Variants in GRIK1 observed in about 807,000 individuals in gnomAD.
GRIK1 encodes glutamate ionotropic receptor kainate type subunit 1, also known as glutamate receptor ionotropic, kainate 1.
Under a neutral mutation model 105.7 loss-of-function variants are expected in GRIK1, and 69 were observed. The observed-to-expected ratio is 0.65, with a 90% CI of 0.54 to 0.80. The LOEUF (loss-of-function observed/expected upper bound fraction) is 0.80, where lower values mean the gene tolerates loss of function less well. GRIK1 is among the 30% of genes least tolerant of loss of function. GRIK1 has a pLI of 0.00. For synonymous variants in GRIK1, 438 were observed against 431.3 expected (o/e 1.02, Z -0.19); for missense variants, 1,109 against 1,167.3 (o/e 0.95, Z 0.73).
intron 16 of GRIK1, among the ~76,000 whole-genome samples, chr21:29,549,296 C>A (rs986574709): frequency 6.6e-6 from 1 of 152,110 alleles, no homozygotes; most frequent in African/African-American, 2.4e-5. Flanking sequence ...AATAAAAACT[C>A]ATGTTTACTA....
At chr21:29,589,444 C>T (rs1442180316) in intron 10 of GRIK1, among the ~76,000 whole-genome samples, 1 of 144,794 alleles carries the variant, frequency 6.9e-6, no homozygotes, top group Non-Finnish European at 1.5e-5. Flanking sequence ...TTTTTTCTGA[C>T]GGAATCTCAC....
intron 10 of GRIK1, 87 bp from the exon 11 acceptor site, chr21:29,589,129 G>A (rs1454505297): frequency 9.3e-6 from 7 of 755,970 alleles, no homozygotes; most frequent in African/African-American, 8.7e-5. Flanking sequence ...TGAAATGTTT[G>A]ATAATGATTT....
chr21:29,677,918 G>A (rs1341311054), intron 3 of GRIK1, among the ~76,000 whole-genome samples: 1 of 152,200 alleles, frequency 6.6e-6, no homozygotes, highest in Non-Finnish European at 1.5e-5. Flanking sequence ...CTCTCAGTGT[G>A]AGAAATTCTC....
chr21:29,896,047 C>T (rs1168222593), intron 1 of GRIK1, among the ~76,000 whole-genome samples: 7 of 152,158 alleles, frequency 4.6e-5, no homozygotes, highest in Non-Finnish European at 8.8e-5. Flanking sequence ...CTATCTCCCT[C>T]GCTTTTTTCC....
intron 1 of GRIK1, among the ~76,000 whole-genome samples, chr21:29,727,106 G>A (rs542436507): frequency 6.6e-6 from 1 of 151,686 alleles, no homozygotes; most frequent in Non-Finnish European, 1.5e-5. Context: ...TTGTATTTTC[G>A]GTAGAGATGG....
intron 1 of GRIK1, among the ~76,000 whole-genome samples, chr21:29,766,799 C>T (rs1289017487): frequency 6.6e-6 from 1 of 151,742 alleles, no homozygotes; most frequent in Admixed American, 6.6e-5. Flanking sequence ...ACTTTGAAAA[C>T]AGTCTCTTTG....
At chr21:29,556,524 T>C (rs975608456) in intron 15 of GRIK1, among the ~76,000 whole-genome samples, 2 of 152,230 alleles carry the variant, frequency 1.3e-5, no homozygotes, top group African/African-American at 4.8e-5. Context: ...TTGTCTCATA[T>C]TGTGACTGGG....
chr21:29,643,079 G>T, intron 6 of GRIK1, 110 bp from the exon 7 acceptor site: 2 of 1,032,572 alleles, frequency 1.9e-6, no homozygotes, highest in Non-Finnish European at 2.9e-6. Context: ...GATCTCAAAG[G>T]CCATTTACTC....
Position 29,908,122 on chromosome 21 carries a change from T to A in GRIK1, c.118+31261A>T, listed in dbSNP as rs138111894. ...GTTCTAAGGGTTTAAAAATACATTATAAAAGCTTTAACATTTGTTATCCAA... is the reference window on the plus strand; with the variant it reads ...GTTCTAAGGGTTTAAAAATACATTAAAAAAGCTTTAACATTTGTTATCCAA... On this transcript the variant is annotated intron_variant, in intron 1 of 17. Transcript: ENST00000327783. 1.1e-3 allele frequency among the ~76,000 whole-genome samples: 168 copies of A among 152,198 alleles called. 3 individuals are homozygous for A. In the East Asian group the frequency reaches 0.027, roughly 24 times the overall value.
intron 1 of GRIK1, among the ~76,000 whole-genome samples, chr21:29,865,442 G>T (rs80190227): frequency 0.013 from 1,976 of 152,268 alleles, 46 homozygotes; most frequent in African/African-American, 0.044. Context: ...GAATAAATAC[G>T]TAAAATTCTG....
chr21:29,884,824 A>C (rs1446322564), intron 1 of GRIK1, among the ~76,000 whole-genome samples: 2 of 152,018 alleles, frequency 1.3e-5, no homozygotes, highest in Non-Finnish European at 2.9e-5. Flanking sequence ...TACATGCATA[A>C]AGTTATGATT....
intron 1 of GRIK1, among the ~76,000 whole-genome samples, chr21:29,931,062 T>C (rs1463204772): frequency 6.6e-6 from 1 of 152,228 alleles, no homozygotes; most frequent in Non-Finnish European, 1.5e-5. Flanking sequence ...AGTTCACATG[T>C]ACTCCACATC....
At position 29,672,872 on chromosome 21, in the gene GRIK1, C is replaced by T. The variant is rs546445918; in HGVS notation, c.726+111G>A. On this transcript the variant is annotated intron_variant, in intron 4 of 17. Coordinates refer to ENST00000327783, the MANE Select transcript of GRIK1 (RefSeq NM_001330994.2). ...TGAAAATTATAATCTTTAGCATAAA[C>T]GGGACTGCTGCAGTTTTATTATGCT... 4.7e-5 allele frequency: 35 copies of T among 752,596 alleles called. 1 individual carries two copies. Among genetic ancestry groups the T allele is most frequent in the South Asian group, 1.1e-4 (6 of 56,054 alleles). The allele number at this position is 752,596 out of a possible 1,614,324, so 46.6% of individuals were successfully genotyped here. A position where few individuals can be genotyped will look rare whatever the true frequency, so the allele number is the denominator to read the frequency against.
intron 1 of GRIK1, among the ~76,000 whole-genome samples, chr21:29,881,978 TAA>T (rs1479446030): frequency 6.6e-6 from 1 of 152,102 alleles, no homozygotes; most frequent in African/African-American, 2.4e-5. Context: ...CAAAAATTAA[TAA>T]AACATACTCC....
At chr21:29,814,424 C>T (rs2067098935) in intron 1 of GRIK1, among the ~76,000 whole-genome samples, 1 of 151,916 alleles carries the variant, frequency 6.6e-6, no homozygotes, top group Non-Finnish European at 1.5e-5. Flanking sequence ...GGTGAGCATG[C>T]ATATGGAGAA....
chr21:29,816,716 C>T (rs2067164206), intron 1 of GRIK1, among the ~76,000 whole-genome samples: 1 of 152,040 alleles, frequency 6.6e-6, no homozygotes. Flanking sequence ...TGCATGTTCT[C>T]ACTTATATGT....
chr21:29,758,106 T>G (rs2065398378), intron 1 of GRIK1, among the ~76,000 whole-genome samples: 1 of 152,340 alleles, frequency 6.6e-6, no homozygotes, highest in East Asian at 1.9e-4. Flanking sequence ...CACATTCCAT[T>G]GGCCAGAATT....
At chr21:29,656,298 T>C (rs1363864074) in intron 4 of GRIK1, among the ~76,000 whole-genome samples, 2 of 129,470 alleles carry the variant, frequency 1.5e-5, no homozygotes, top group Non-Finnish European at 3.1e-5. Context: ...GGGGCGGAGC[T>C]TACAGTGAGC....
intron 1 of GRIK1, among the ~76,000 whole-genome samples, chr21:29,920,835 G>T (rs1190355112): frequency 2.0e-5 from 3 of 151,196 alleles, no homozygotes; most frequent in Non-Finnish European, 4.4e-5. Flanking sequence ...CAAGGGAAGT[G>T]TTATCAAAAG....
Sources: allele counts gnomAD v4.1 joint callset (sites outside exome capture counted in the v4.1 genomes callset), GRCh38; gene constraint gnomAD v4.1.1; transcripts MANE v1.5; gene names NCBI Gene and HGNC (gene_info 2026-07-23, HGNC 2026-07-21).